The following MTMR3 variants were observed in gnomAD, a reference collection of about 807,000 sequenced individuals.
MTMR3 encodes myotubularin related protein 3, also known as phosphatidylinositol-3,5-bisphosphate 3-phosphatase MTMR3.
In MTMR3, 32 loss-of-function variants were observed where a neutral mutation model predicts 132.4. The observed-to-expected ratio is 0.24, with a 90% CI of 0.18 to 0.32. The LOEUF is 0.32. MTMR3 is among the 10% of genes least tolerant of loss of function. The pLI is 1.00. For synonymous variants in MTMR3, 556 were observed against 550.3 expected (o/e 1.01, Z -0.14); for missense variants, 1,216 against 1,489.6 (o/e 0.82, Z 3.02).
chr22:29,889,318 C>T (rs1284150272), intron 1 of MTMR3, among the ~76,000 whole-genome samples: 12 of 135,632 alleles, frequency 8.8e-5, no homozygotes, highest in South Asian at 2.4e-4. Flanking sequence ...GATGGCGTCT[C>T]GCTCTGTCAC....
intron 1 of MTMR3, among the ~76,000 whole-genome samples, chr22:29,912,854 T>C (rs1194432131): frequency 2.0e-5 from 3 of 152,226 alleles, no homozygotes; most frequent in Non-Finnish European, 4.4e-5. Context: ...CATCCAACTC[T>C]TGGCCTGAAC....
At chr22:30,020,922 G>A in intron 17 of MTMR3, 38 bp downstream of exon 17, 1 of 1,524,332 alleles carries the variant, frequency 6.6e-7, no homozygotes. Context: ...GCTGCCCAAG[G>A]AGACGGCATG....
intron 1 of MTMR3, among the ~76,000 whole-genome samples, chr22:29,902,291 T>A (rs1283318308): frequency 6.6e-6 from 1 of 152,156 alleles, no homozygotes; most frequent in Non-Finnish European, 1.5e-5. Flanking sequence ...AATTTATATA[T>A]AAAACTCCTT....
chr22:30,012,249 C>T, intron 12 of MTMR3, 119 bp from the exon 13 acceptor site: 2 of 1,096,564 alleles, frequency 1.8e-6, no homozygotes, highest in East Asian at 2.5e-5. Flanking sequence ...TTTGTTTTGG[C>T]AGTGTTATAT....
intron 9 of MTMR3, chr22:30,005,083 ACTC>A (rs1252369947): frequency 6.6e-6 from 1 of 152,078 alleles, no homozygotes; most frequent in Non-Finnish European, 1.5e-5. Context: ...ATTATTCTAA[ACTC>A]CTAGTTACTT....
At position 29,883,885 on chromosome 22, in the gene MTMR3, C is replaced by T. The variant is rs552931144; in HGVS notation, c.-138+526C>T. 4.5e-3 allele frequency among the ~76,000 whole-genome samples: 683 copies of T among 152,288 alleles called. 6 individuals carry two copies. Among genetic ancestry groups the T allele is most frequent in the African/African-American group, 0.016 (645 of 41,578 alleles). ...CGCCCGATCGTGCAGCAGGGCATCC[C>T]CCTGACCTGGTAGTACTTAGGTGGG... On this transcript the variant is annotated intron_variant, in intron 1 of 19. Coordinates refer to ENST00000401950, the MANE Select transcript of MTMR3 (RefSeq NM_021090.4).
intron 1 of MTMR3, among the ~76,000 whole-genome samples, chr22:29,931,457 T>G (rs2065642204): frequency 6.6e-6 from 1 of 152,250 alleles, no homozygotes; most frequent in African/African-American, 2.4e-5. Flanking sequence ...AGTCTCACTC[T>G]GTCGCCCAGG....
intron 14 of MTMR3, 141 bp from the exon 15 acceptor site, chr22:30,016,387 G>A (rs1225657392): frequency 6.7e-6 from 6 of 898,294 alleles, no homozygotes; most frequent in African/African-American, 1.7e-5. Flanking sequence ...GGAGGCTACT[G>A]CATGGCTTAC....
chr22:29,934,734 G>A (rs1472767713), intron 1 of MTMR3, among the ~76,000 whole-genome samples: 1 of 152,144 alleles, frequency 6.6e-6, no homozygotes, highest in Non-Finnish European at 1.5e-5. Context: ...CTTTGACCTT[G>A]GACAAGTTAT....
intron 8 of MTMR3, chr22:30,001,637 A>G (rs574472757): frequency 6.6e-6 from 1 of 152,146 alleles, no homozygotes; most frequent in African/African-American, 2.4e-5. Flanking sequence ...AAACAACAGG[A>G]TGTTGAAAGT....
At chr22:29,978,224 T>C (rs185085256) in intron 3 of MTMR3, 1 of 393,158 alleles carries the variant, frequency 2.5e-6, no homozygotes, top group East Asian at 4.3e-5. Flanking sequence ...TTCTAACCTC[T>C]TTGACATTTT....
At chr22:30,011,889 C>G (rs1329166108) in intron 12 of MTMR3, 1 of 154,012 alleles carries the variant, frequency 6.5e-6, no homozygotes, top group Non-Finnish European at 1.4e-5. Context: ...ATATGGCATC[C>G]AGCTTATGTC....
At chr22:29,979,655 A>G (rs1023116747) in intron 5 of MTMR3, 4 of 152,694 alleles carry the variant, frequency 2.6e-5, no homozygotes, top group African/African-American at 7.2e-5. Context: ...TTATAAAGGT[A>G]TAAAGGCTGA....
chr22:29,908,998 G>A lies in MTMR3; in HGVS notation c.-138+25639G>A, dbSNP rs565111723. On this transcript the variant is annotated intron_variant, in intron 1 of 19. Coordinates refer to ENST00000401950, the MANE Select transcript of MTMR3 (RefSeq NM_021090.4). ...TTTTCTTTTCTTTTTTTTTTTTTGA[G>A]ACAAATTCTCACTCTGTTGCCCAGG... 2.7e-3 allele frequency among the ~76,000 whole-genome samples: 341 copies of A among 126,870 alleles called. 6 individuals are homozygous for A. Among genetic ancestry groups the A allele is most frequent in the African/African-American group, 0.011 (327 of 30,630 alleles). 83.2% of individuals were successfully genotyped at this position (126,870 alleles called of 152,430 possible). A position where few individuals can be genotyped will look rare whatever the true frequency, so the allele number is the denominator to read the frequency against.
chr22:29,913,750 G>GTTTA (rs887435074), intron 1 of MTMR3, among the ~76,000 whole-genome samples: 3 of 151,196 alleles, frequency 2.0e-5, no homozygotes, highest in Admixed American at 6.6e-5. Context: ...CAGGTTTTGG[G>GTTTA]TTTATTTATT....
chr22:29,939,069 G>T (rs900013353), intron 1 of MTMR3, among the ~76,000 whole-genome samples: 1 of 151,998 alleles, frequency 6.6e-6, no homozygotes. Context: ...TGATATACCC[G>T]CCTCGGCCTC....
intron 9 of MTMR3, chr22:30,006,713 A>T (rs930054694): frequency 3.8e-5 from 7 of 182,812 alleles, no homozygotes; most frequent in Non-Finnish European, 5.8e-5. Flanking sequence ...ATGTGCTACC[A>T]TGCCTGGCTA....
chr22:29,986,703 G>A, intron 5 of MTMR3: 1 of 582,042 alleles, frequency 1.7e-6, no homozygotes, highest in South Asian at 7.6e-5. Context: ...TGCTCTTGTT[G>A]CCCAGGCTGG....
At chr22:29,917,081 A>G (rs1192884817) in intron 1 of MTMR3, among the ~76,000 whole-genome samples, 2 of 152,256 alleles carry the variant, frequency 1.3e-5, no homozygotes, top group Non-Finnish European at 2.9e-5. Context: ...GAATGTGGAA[A>G]TAATTCAAAC....
Sources: allele counts gnomAD v4.1 joint callset (sites outside exome capture counted in the v4.1 genomes callset), GRCh38; gene constraint gnomAD v4.1.1; transcripts MANE v1.5; gene names NCBI Gene and HGNC (gene_info 2026-07-23, HGNC 2026-07-21).